The following WDR33 variants were observed in gnomAD, a reference collection of about 807,000 sequenced individuals.
The protein encoded by WDR33 is pre-mRNA 3' end processing protein WDR33.
A neutral mutation model predicts 164.9 loss-of-function variants in WDR33; 47 were observed. The ratio of observed to expected loss-of-function variants is 0.29; its 90% CI spans 0.23 to 0.36. The LOEUF (loss-of-function observed/expected upper bound fraction) is 0.36, where lower values mean the gene tolerates loss of function less well. Ranked by LOEUF, WDR33 falls within the 10% of genes least tolerant of loss-of-function variation. The pLI is 1.00. For missense variants in WDR33, 1,137 were observed against 1,754.1 expected, an observed-to-expected ratio of 0.65 and a Z score of 6.28; for synonymous variants, 505 against 589.0, an observed-to-expected ratio of 0.86 and a Z score of 2.06.
chr2:127,763,840 C>T lies in WDR33; in HGVS notation c.627-681G>A. The T allele has an allele frequency of 1.0e-6, 1 of 985,568 alleles. No individual in the cohort carries two copies. Among genetic ancestry groups the T allele is most frequent in the African/African-American group, 1.7e-5 (1 of 57,364 alleles). 61.1% of individuals were successfully genotyped at this position (985,568 alleles called of 1,614,324 possible). ...AGATCATCAAGTTTCTCAACTAACT[C>T]TAAAAACTCCCTTGAACTTTGGAAT... On this transcript the variant is annotated intron_variant, in intron 6 of 21. Transcript: ENST00000322313. The surrounding 1 kb of genome is among the most constrained non-coding windows in gnomAD (Gnocchi z 4.5).
chr2:127,787,435 C>A (rs1316131553), intron 1 of WDR33, among the ~76,000 whole-genome samples: 1 of 133,652 alleles, frequency 7.5e-6, no homozygotes, highest in African/African-American at 3.2e-5. Flanking sequence ...TAGGGGTGGC[C>A]GGGCAGAGGC....
chr2:127,752,887 G>A (rs1229109457), intron 7 of WDR33, among the ~76,000 whole-genome samples: 1 of 152,134 alleles, frequency 6.6e-6, no homozygotes, highest in Non-Finnish European at 1.5e-5. Context: ...TAACAACTAA[G>A]ATAAACTATT....
chr2:127,754,162 C>A (rs1687450101), intron 7 of WDR33, among the ~76,000 whole-genome samples: 1 of 152,180 alleles, frequency 6.6e-6, no homozygotes, highest in African/African-American at 2.4e-5. Flanking sequence ...GTGTTAATAA[C>A]ATTATCCAAT....
intron 18 of WDR33, among the ~76,000 whole-genome samples, chr2:127,711,933 C>T (rs1168152868): frequency 1.3e-5 from 2 of 150,608 alleles, no homozygotes; most frequent in East Asian, 2.0e-4. Context: ...CCACCATGCC[C>T]GGCTAATTTT....
intron 1 of WDR33, among the ~76,000 whole-genome samples, chr2:127,781,148 G>T (rs1688356023): frequency 6.6e-6 from 1 of 152,192 alleles, no homozygotes; most frequent in African/African-American, 2.4e-5. Flanking sequence ...ATAGGTGTGA[G>T]CCACCATGCC....
At chr2:127,804,394 C>T (rs1573489513) in intron 1 of WDR33, among the ~76,000 whole-genome samples, 2 of 152,140 alleles carry the variant, frequency 1.3e-5, no homozygotes, top group East Asian at 3.8e-4. Flanking sequence ...GTTACTGAGA[C>T]AACTAGAGAA....
chr2:127,759,623 G>A lies in WDR33; in HGVS notation c.724+3439C>T, dbSNP rs189362538. On this transcript the variant is annotated intron_variant, in intron 7 of 21. Coordinates refer to ENST00000322313, the MANE Select transcript of WDR33 (RefSeq NM_018383.5). Reference sequence around the variant, plus strand: ...GGAGACTCACTTGAACCCGAGAGGCGGAGGTTGCAGTGAGCCAAGATCACA... The same window carrying A: ...GGAGACTCACTTGAACCCGAGAGGCAGAGGTTGCAGTGAGCCAAGATCACA... Among the ~76,000 whole-genome samples the A allele has an allele frequency of 4.0e-4, 61 of 152,210 alleles. No homozygotes were observed. In the East Asian group the frequency reaches 8.9e-3, roughly 22 times the overall value.
intron 7 of WDR33, among the ~76,000 whole-genome samples, chr2:127,750,573 C>T (rs1246775709): frequency 1.4e-5 from 2 of 142,224 alleles, no homozygotes; most frequent in Admixed American, 7.1e-5. Context: ...TGTTTGAACC[C>T]GAGAGGCGGA....
In WDR33 at chr2:127,708,641, C is replaced by T; in HGVS notation, c.3781+36G>A. Reference sequence around the variant, plus strand: ...CAGGCAAGGCCTCCATCGGCCCCTGCATCTCCTGGAACCATAACCACTGGC... The same window carrying T: ...CAGGCAAGGCCTCCATCGGCCCCTGTATCTCCTGGAACCATAACCACTGGC... On this transcript the variant is annotated intron_variant, in intron 21 of 21. Transcript: ENST00000322313. This position sits in a 1 kb window ranked among gnomAD's most constrained non-coding sequence, Gnocchi z 6.7. 3.9e-6 allele frequency: 6 copies of T among 1,535,894 alleles called. No individual in the cohort carries two copies. Among genetic ancestry groups the T allele is most frequent in the Non-Finnish European group, 4.4e-6 (5 of 1,139,002 alleles).
rs541002113 is a variant in WDR33, at chr2:127,724,012, A to G, written c.1196+321T>C. 2.0e-5 allele frequency among the ~76,000 whole-genome samples: 3 copies of G among 152,140 alleles called. No homozygotes were observed. The highest frequency in any genetic ancestry group is 4.4e-5 in the Non-Finnish European group (3 of 68,026). ...GGATCACCTGAGCCCAGGAAGGTTG[A>G]GGCTATAGTGAGCTGAGACCGCACC... On this transcript the variant is annotated intron_variant, in intron 11 of 21. Transcript: ENST00000322313. This position sits in a 1 kb window ranked among gnomAD's most constrained non-coding sequence, Gnocchi z 4.8.
chr2:127,789,961 G>A (rs1045129471), intron 1 of WDR33, among the ~76,000 whole-genome samples: 3 of 152,078 alleles, frequency 2.0e-5, no homozygotes, highest in Non-Finnish European at 4.4e-5. Flanking sequence ...TCAGCCTCCA[G>A]AATAGCTCGG....
rs552119166 is a variant in WDR33 at position 127,701,567 on chromosome 2, G to A, written c.*4756C>T. ...ACCGCCAGCTGCAGGAGTACCTGGCGCAGGGGAAAGCTGGCGGCCCGGCGG... is the reference window on the plus strand; with the variant it reads ...ACCGCCAGCTGCAGGAGTACCTGGCACAGGGGAAAGCTGGCGGCCCGGCGG... On this transcript the variant is annotated 3_prime_UTR_variant, in exon 22 of 22. Coordinates refer to ENST00000322313, the MANE Select transcript of WDR33 (RefSeq NM_018383.5). 8.7e-5 allele frequency: 118 copies of A among 1,361,318 alleles called. No individual in the cohort carries two copies. The East Asian group carries it at 3.0e-3, about 35-fold the overall frequency. 84.3% of individuals were successfully genotyped at this position (1,361,318 alleles called of 1,614,324 possible).
chr2:127,702,201 G>A lies in WDR33; in HGVS notation c.*4122C>T. 8.2e-7 allele frequency: 1 copy of A among 1,213,646 alleles called. No homozygotes were observed. The highest frequency in any genetic ancestry group is 1.0e-6 in the Non-Finnish European group (1 of 973,384). 75.2% of individuals were successfully genotyped at this position (1,213,646 alleles called of 1,614,324 possible). On this transcript the variant is annotated 3_prime_UTR_variant, in exon 22 of 22. Transcript: ENST00000322313. ...AGGACCTCGCGCCCTCGCCGCTGGG[G>A]AAGTACGCGGAGCCAGCGCCGTCGG...
chr2:127,786,224 A>G (rs1688563205), intron 1 of WDR33, among the ~76,000 whole-genome samples: 1 of 152,160 alleles, frequency 6.6e-6, no homozygotes, highest in Non-Finnish European at 1.5e-5. Context: ...TTGTAGAGAC[A>G]GGGTCTCACT....
chr2:127,791,525 T>C (rs958279924), intron 1 of WDR33, among the ~76,000 whole-genome samples: 7 of 152,088 alleles, frequency 4.6e-5, no homozygotes, highest in African/African-American at 1.4e-4. Context: ...GCAAACTTTC[T>C]GGTGTTTCTG....
intron 21 of WDR33, among the ~76,000 whole-genome samples, chr2:127,707,229 TA>T (rs200273049): frequency 0.08 from 9,858 of 122,468 alleles, 391 homozygotes; most frequent in Middle Eastern, 0.19. Flanking sequence ...AGAATATATT[TA>T]AAAAAAAAAA....
rs1369190432 is a variant in WDR33 at position 127,722,961 on chromosome 2, T to A, written c.1375A>T (p.Met459Leu). 1 of 1,604,286 alleles carries A rather than the reference T, an allele frequency of 6.2e-7. No individual in the cohort carries two copies. Among genetic ancestry groups the A allele is most frequent in the Non-Finnish European group, 8.5e-7 (1 of 1,177,416 alleles). Residue 459 changes from methionine (M) to leucine (L), a missense_variant, in exon 13 of 22, where the codon ATG (methionine) becomes TTG (leucine). Transcript: ENST00000322313. The surrounding 1 kb of genome is among the most constrained non-coding windows in gnomAD (Gnocchi z 5.1). ...GTGTCTGTGTAACTTCTCTTACCCA[T>A]CTGTTCTTGTTCCATAGCTAATTTT... ...QLKLAMEQEQMGKDESNEIEM... is the reference protein window; with the variant it reads ...QLKLAMEQEQLGKDESNEIEM...
rs200156835 is a variant in WDR33 at position 127,732,530 on chromosome 2, CA to C, written c.725-5754del. ...AGAGATGGAGTCTCCCTATGTTGGACAGGCTGGTCAAACACTTCTTAACATG... is the reference window on the plus strand; with the variant it reads ...AGAGATGGAGTCTCCCTATGTTGGACGGCTGGTCAAACACTTCTTAACATG... On this transcript the variant is annotated intron_variant, in intron 7 of 21. Transcript: ENST00000322313. 3.3e-3 allele frequency among the ~76,000 whole-genome samples: 509 copies of C among 152,254 alleles called. 1 individual carries two copies. Among genetic ancestry groups the C allele is most frequent in the African/African-American group, 0.012 (493 of 41,536 alleles).
At chr2:127,783,024 T>C (rs1332797856) in intron 1 of WDR33, among the ~76,000 whole-genome samples, 3 of 151,916 alleles carry the variant, frequency 2.0e-5, no homozygotes, top group African/African-American at 7.3e-5. Flanking sequence ...CTAATAATAA[T>C]AAAATAAAGT....
Sources: allele counts gnomAD v4.1 joint callset (sites outside exome capture counted in the v4.1 genomes callset), GRCh38; gene constraint gnomAD v4.1.1; non-coding constraint Gnocchi (gnomAD v3.1); transcripts MANE v1.5; gene names NCBI Gene and HGNC (gene_info 2026-07-23, HGNC 2026-07-21).